Variants in SDK1 observed in about 807,000 individuals in gnomAD.
SDK1 encodes sidekick cell adhesion molecule 1.
SDK1 carries 157 observed loss-of-function variants against 245.5 expected under a neutral mutation model. That is an observed-to-expected ratio of 0.64 (90% CI 0.56 to 0.73). The LOEUF is 0.73. Among genes scored for constraint, SDK1 ranks in the 30% least tolerant of loss-of-function variants. SDK1 has a pLI of 0.00. For missense variants in SDK1, 3,583 were observed against 3,002.3 expected (o/e 1.19, Z -4.52); for synonymous variants, 1,647 against 1,278.5 (o/e 1.29, Z -6.15).
At chr7:4,204,998 G>GAGGAGGTGCGGCCACACCCCTAATGGCGA (rs1784125904) in intron 35 of SDK1, among the ~76,000 whole-genome samples, 1 of 123,296 alleles carries the variant, frequency 8.1e-6, no homozygotes, top group South Asian at 2.6e-4. Flanking sequence ...CCTAATGGCG[G>GAGGAGGTGCGGCCACACCCCTAATGGCGA]TGTGGTAAGG....
At chr7:3,502,902 T>G (rs1782264833) in intron 1 of SDK1, among the ~76,000 whole-genome samples, 3 of 152,174 alleles carry the variant, frequency 2.0e-5, no homozygotes, top group Admixed American at 2.0e-4. Context: ...AAAATTGAGA[T>G]GAAGATGTTA....
At chr7:4,018,176 C>A (rs1045307681) in intron 17 of SDK1, among the ~76,000 whole-genome samples, 1 of 152,210 alleles carries the variant, frequency 6.6e-6, no homozygotes, top group African/African-American at 2.4e-5. Flanking sequence ...CTTTTTCACT[C>A]TGCGATTTAT....
chr7:3,912,601 A>G (rs1317313454), intron 5 of SDK1, among the ~76,000 whole-genome samples: 2 of 152,134 alleles, frequency 1.3e-5, no homozygotes. Context: ...AACTCCTCCA[A>G]ATACCTCCCT....
In SDK1 at chr7:4,086,164, C is replaced by G. The variant is rs116080947; in HGVS notation, c.3324+6580C>G. Among the ~76,000 whole-genome samples, 600 of 152,292 alleles carry G rather than the reference C, an allele frequency of 3.9e-3. 2 individuals carry two copies. Among genetic ancestry groups the G allele is most frequent in the Middle Eastern group, 0.01 (3 of 294 alleles). On this transcript the variant is annotated intron_variant, in intron 22 of 44. Transcript: ENST00000404826. Reference sequence around the variant, plus strand: ...CGGTGACAGCACATCCTGAATACCCCTGGGCATCATGTGTGCACTTGTCCT... The same window carrying G: ...CGGTGACAGCACATCCTGAATACCCGTGGGCATCATGTGTGCACTTGTCCT...
intron 25 of SDK1, among the ~76,000 whole-genome samples, chr7:4,124,361 C>T (rs1784247081): frequency 6.6e-6 from 1 of 152,216 alleles, no homozygotes; most frequent in South Asian, 2.1e-4. Flanking sequence ...TCCTGGGCCC[C>T]TCTCCAGCAT....
intron 40 of SDK1, 193 bp from the exon 41 acceptor site, chr7:4,233,062 C>T: frequency 1.8e-6 from 1 of 563,338 alleles, no homozygotes; most frequent in African/African-American, 1.9e-5. Flanking sequence ...AATCATCACA[C>T]CATTCATCTC....
At chr7:3,472,544 A>G (rs1781216631) in intron 1 of SDK1, among the ~76,000 whole-genome samples, 1 of 152,252 alleles carries the variant, frequency 6.6e-6, no homozygotes, top group Non-Finnish European at 1.5e-5. Context: ...GTATCTTAAT[A>G]GAATAATTAT....
intron 5 of SDK1, among the ~76,000 whole-genome samples, chr7:3,915,496 CT>C (rs1779341002): frequency 6.6e-6 from 1 of 152,192 alleles, no homozygotes; most frequent in Non-Finnish European, 1.5e-5. Context: ...GGGGTTTCCC[CT>C]TTCGCTTGGC....
intron 4 of SDK1, among the ~76,000 whole-genome samples, chr7:3,799,704 C>A (rs1337701406): frequency 1.9e-3 from 202 of 109,002 alleles, no homozygotes; most frequent in South Asian, 2.8e-3. Flanking sequence ...GACTCCATCT[C>A]AAAAAAAAAA....
chr7:3,672,794 T>C (rs67033910), intron 4 of SDK1, among the ~76,000 whole-genome samples: 11 of 65,578 alleles, frequency 1.7e-4, no homozygotes, highest in Non-Finnish European at 3.2e-4. Context: ...TATATATATA[T>C]AAAAAATACA....
Position 4,083,734 on chromosome 7 carries a change from A to ACTTCTTCCCTCCCTCCTTTACTTCC in SDK1, c.3324+4150_3324+4151insCTTCTTCCCTCCCTCCTTTACTTCC. On this transcript the variant is annotated intron_variant, in intron 22 of 44. Coordinates refer to ENST00000404826, the MANE Select transcript of SDK1 (RefSeq NM_152744.4). ...CCTCCCTCCCTTCTTTACTTCCTCCATCCCTCCCTTCCTTTACTTCCTGTC... is the reference window on the plus strand; with the variant it reads ...CCTCCCTCCCTTCTTTACTTCCTCCACTTCTTCCCTCCCTCCTTTACTTCCTCCCTCCCTTCCTTTACTTCCTGTC... Among the ~76,000 whole-genome samples, 22 of 4,114 alleles carry ACTTCTTCCCTCCCTCCTTTACTTCC rather than the reference A, an allele frequency of 5.3e-3. 4 individuals carry two copies. The highest frequency in any genetic ancestry group is 0.014 in the African/African-American group (20 of 1,438). The allele number at this position is 4,114 out of a possible 152,430, so 2.7% of individuals were successfully genotyped here. A position where few individuals can be genotyped will look rare whatever the true frequency, so the allele number is the denominator to read the frequency against.
intron 8 of SDK1, 135 bp downstream of exon 8, chr7:3,959,149 C>T (rs930844841): frequency 1.9e-5 from 14 of 731,902 alleles, no homozygotes; most frequent in South Asian, 4.8e-5. Context: ...GAGAGTAGAT[C>T]GGTCTTGGGG....
intron 1 of SDK1, among the ~76,000 whole-genome samples, chr7:3,432,083 C>G (rs1779864021): frequency 6.7e-6 from 1 of 148,282 alleles, no homozygotes; most frequent in Admixed American, 6.7e-5. Context: ...GTGTGAAATA[C>G]TTTGTAAACA....
At chr7:3,436,133 A>G (rs1780016116) in intron 1 of SDK1, among the ~76,000 whole-genome samples, 1 of 152,214 alleles carries the variant, frequency 6.6e-6, no homozygotes, top group African/African-American at 2.4e-5. Flanking sequence ...ACATTAATGA[A>G]CACTGAAGAC....
At chr7:4,156,564 C>G (rs943162104) in intron 30 of SDK1, among the ~76,000 whole-genome samples, 3 of 152,114 alleles carry the variant, frequency 2.0e-5, no homozygotes, top group African/African-American at 7.2e-5. Context: ...GAAAAGCAGG[C>G]CTTGAGGTGT....
chr7:4,014,841 A>C (rs1786267996), intron 16 of SDK1, among the ~76,000 whole-genome samples: 1 of 152,146 alleles, frequency 6.6e-6, no homozygotes, highest in African/African-American at 2.4e-5. Context: ...ACCTTCTTAG[A>C]CATCCTGTGA....
At chr7:4,197,435 C>T (rs1002617173) in intron 35 of SDK1, among the ~76,000 whole-genome samples, 4 of 152,184 alleles carry the variant, frequency 2.6e-5, no homozygotes, top group African/African-American at 9.7e-5. Context: ...CTGCAGTGAG[C>T]TGTGATGGTG....
chr7:4,161,264 G>T (rs1362573006), intron 31 of SDK1, among the ~76,000 whole-genome samples: 1 of 152,154 alleles, frequency 6.6e-6, no homozygotes, highest in South Asian at 2.1e-4. Flanking sequence ...AACCATGGCA[G>T]ACTCCCCTTC....
At chr7:3,891,724 A>G (rs542314660) in intron 5 of SDK1, among the ~76,000 whole-genome samples, 53 of 152,288 alleles carry the variant, frequency 3.5e-4, no homozygotes, top group Non-Finnish European at 5.6e-4. Flanking sequence ...TGATAATCCA[A>G]CTAAAGGTTT....
Sources: gnomAD v4.1 joint callset for allele counts (sites outside exome capture counted in the v4.1 genomes callset) on GRCh38, gnomAD v4.1.1 for gene constraint, MANE v1.5 for transcripts, NCBI Gene and HGNC (gene_info 2026-07-23, HGNC 2026-07-21) for gene names.